Variants in FILIP1L observed in about 807,000 individuals in gnomAD.
The protein encoded by FILIP1L is filamin A interacting protein 1 like, also known as filamin A-interacting protein 1-like.
A neutral mutation model predicts 96.6 loss-of-function variants in FILIP1L; 55 were observed. That is an observed-to-expected ratio of 0.57 (90% CI 0.46 to 0.71). The LOEUF (loss-of-function observed/expected upper bound fraction) is 0.71. FILIP1L is among the 30% of genes least tolerant of loss of function. FILIP1L has a pLI of 0.00. For synonymous variants in FILIP1L, 467 were observed against 473.9 expected (o/e 0.99, Z 0.19); for missense variants, 1,304 against 1,321.2 (o/e 0.99, Z 0.20).
chr3:100,102,577 TTG>T (rs780753837), intron 1 of FILIP1L, among the ~76,000 whole-genome samples: 3 of 152,200 alleles, frequency 2.0e-5, no homozygotes, highest in Non-Finnish European at 4.4e-5. Flanking sequence ...TTTATATTTT[TTG>T]TGTTTTTCCT....
At chr3:99,833,190 A>T in intron 5 of FILIP1L, 3 of 1,566,160 alleles carry the variant, frequency 1.9e-6, no homozygotes, top group Non-Finnish European at 2.6e-6. Context: ...GTTCAACATG[A>T]AGACTGGGAT....
intron 4 of FILIP1L, among the ~76,000 whole-genome samples, chr3:99,878,619 C>G (rs1386105553): frequency 6.6e-6 from 1 of 152,228 alleles, no homozygotes; most frequent in African/African-American, 2.4e-5. Flanking sequence ...ACTGGGAAAG[C>G]CAAGACTCAT....
At chr3:99,875,147 C>T (rs1043782069) in intron 4 of FILIP1L, among the ~76,000 whole-genome samples, 3 of 152,124 alleles carry the variant, frequency 2.0e-5, no homozygotes, top group African/African-American at 7.2e-5. Flanking sequence ...CTAAAGTTGA[C>T]ATAACCTTTT....
chr3:100,108,665 G>A lies in FILIP1L; in HGVS notation c.-11+5388C>T, dbSNP rs140407550. On this transcript the variant is annotated intron_variant, in intron 1 of 5. Transcript: ENST00000477258. ...CTAGATGCTACTGTGTTACAATTCC[G>A]AGATCAACATTGGATTACAGGACCC... Among the ~76,000 whole-genome samples, 1,150 of 152,230 alleles carry A rather than the reference G, an allele frequency of 7.6e-3. 5 individuals carry two copies. Among genetic ancestry groups the A allele is most frequent in the African/African-American group, 0.011 (468 of 41,548 alleles).
chr3:99,884,480 G>A (rs1336424268), intron 4 of FILIP1L, among the ~76,000 whole-genome samples: 1 of 152,170 alleles, frequency 6.6e-6, no homozygotes, highest in African/African-American at 2.4e-5. Context: ...TCCAGGGAGT[G>A]GAAAGGGAAG....
intron 1 of FILIP1L, among the ~76,000 whole-genome samples, chr3:100,023,784 G>T (rs79906866): frequency 0.065 from 9,866 of 152,144 alleles, 440 homozygotes; most frequent in Middle Eastern, 0.1. Flanking sequence ...CTCCTGCTCT[G>T]CATGTCTTAC....
At chr3:99,924,580 G>A (rs754305924) in intron 3 of FILIP1L, among the ~76,000 whole-genome samples, 172 bp from the exon 4 acceptor site, 15 of 152,120 alleles carry the variant, frequency 9.9e-5, no homozygotes, top group Admixed American at 4.6e-4. Context: ...GTGCAATGGC[G>A]CGATCTCGAC....
At chr3:100,104,487 T>C (rs1222339020) in intron 1 of FILIP1L, among the ~76,000 whole-genome samples, 1 of 152,188 alleles carries the variant, frequency 6.6e-6, no homozygotes, top group Non-Finnish European at 1.5e-5. Context: ...TAAATAAAAC[T>C]GTTAGCAGTT....
intron 1 of FILIP1L, among the ~76,000 whole-genome samples, chr3:100,013,212 A>AGGTGTT (rs1553705410): frequency 6.3e-5 from 8 of 127,414 alleles, no homozygotes; most frequent in African/African-American, 2.4e-4. Flanking sequence ...AAGGCCAGTG[A>AGGTGTT]GGTGTTGTTG....
chr3:99,859,067 A>G (rs1368544520), intron 4 of FILIP1L, among the ~76,000 whole-genome samples: 1 of 152,254 alleles, frequency 6.6e-6, no homozygotes, highest in African/African-American at 2.4e-5. Flanking sequence ...CCTAAATGAC[A>G]AAACTGTTTT....
intron 1 of FILIP1L, among the ~76,000 whole-genome samples, chr3:100,078,694 C>A (rs1157207616): frequency 3.3e-5 from 5 of 152,094 alleles, no homozygotes; most frequent in Non-Finnish European, 5.9e-5. Flanking sequence ...AGTTCAAGAC[C>A]AGCCTAGCCA....
chr3:99,910,737 T>TA (rs1240238312), intron 4 of FILIP1L, among the ~76,000 whole-genome samples: 1 of 83,850 alleles, frequency 1.2e-5, no homozygotes, highest in Non-Finnish European at 3.2e-5. Context: ...TAGTTACCCA[T>TA]ACTCTTCTCA....
chr3:100,081,553 T>A (rs947060343), intron 1 of FILIP1L, among the ~76,000 whole-genome samples: 2 of 152,196 alleles, frequency 1.3e-5, no homozygotes, highest in East Asian at 3.8e-4. Context: ...TGAAGATTCT[T>A]TGGTTGGGAA....
intron 1 of FILIP1L, among the ~76,000 whole-genome samples, chr3:99,999,724 T>C (rs1225596905): frequency 2.0e-5 from 3 of 152,182 alleles, no homozygotes; most frequent in African/African-American, 7.2e-5. Context: ...AAGGTCCCAA[T>C]TAAAAGCCCT....
rs150729840 is a variant in FILIP1L at position 99,999,468 on chromosome 3, T to C, written c.-10-68438A>G. ...GCAACAACTGCCTAAAATTGTTTAGTAGATTATCGACAGACTTTATTTAGA... is the reference window on the plus strand; with the variant it reads ...GCAACAACTGCCTAAAATTGTTTAGCAGATTATCGACAGACTTTATTTAGA... On this transcript the variant is annotated intron_variant, in intron 1 of 5. Coordinates refer to ENST00000477258, the MANE Select transcript of FILIP1L (RefSeq NM_001387850.1). 4.6e-3 allele frequency among the ~76,000 whole-genome samples: 707 copies of C among 152,288 alleles called. 2 individuals are homozygous for C. The highest frequency in any genetic ancestry group is 7.0e-3 in the South Asian group (34 of 4,830).
At chr3:100,051,358 C>T (rs942045162) in intron 1 of FILIP1L, 5 of 151,454 alleles carry the variant, frequency 3.3e-5, no homozygotes, top group African/African-American at 1.2e-4. Flanking sequence ...GCTTATATTT[C>T]TTTTTATATA....
chr3:99,969,619 AGAGAT>A (rs1708755506), intron 1 of FILIP1L, among the ~76,000 whole-genome samples: 1 of 152,198 alleles, frequency 6.6e-6, no homozygotes, highest in Non-Finnish European at 1.5e-5. Context: ...ATGGTTTTCC[AGAGAT>A]TGGAGAGCAG....
At chr3:99,904,319 G>C (rs1157924221) in intron 4 of FILIP1L, among the ~76,000 whole-genome samples, 5 of 152,158 alleles carry the variant, frequency 3.3e-5, no homozygotes, top group African/African-American at 1.2e-4. Context: ...TTTCAGTAGG[G>C]AGAGAAAACA....
At chr3:100,065,587 C>T (rs2065649702) in intron 1 of FILIP1L, among the ~76,000 whole-genome samples, 1 of 152,188 alleles carries the variant, frequency 6.6e-6, no homozygotes, top group African/African-American at 2.4e-5. Flanking sequence ...TCATCTTACT[C>T]TTTCTTCCTA....
Sources: gnomAD v4.1 joint callset for allele counts (sites outside exome capture counted in the v4.1 genomes callset) on GRCh38, gnomAD v4.1.1 for gene constraint, MANE v1.5 for transcripts, NCBI Gene and HGNC (gene_info 2026-07-23, HGNC 2026-07-21) for gene names.